Variants in XIRP2 observed in about 807,000 individuals in gnomAD.
XIRP2 encodes xin actin-binding repeat-containing protein 2.
XIRP2 carries 236 observed loss-of-function variants against 277.0 expected under a neutral mutation model. The observed-to-expected ratio is 0.85, with a 90% CI of 0.77 to 0.95. The LOEUF (loss-of-function observed/expected upper bound fraction) is 0.95. Ranked by LOEUF, XIRP2 falls within the 40% of genes least tolerant of loss-of-function variation. The pLI, the probability that XIRP2 is intolerant of heterozygous loss-of-function variation, is 0.00. For synonymous variants in XIRP2, 1,490 were observed against 1,416.5 expected, an observed-to-expected ratio of 1.05 and a Z score of -1.17; for missense variants, 4,640 against 4,157.5, an observed-to-expected ratio of 1.12 and a Z score of -3.19.
At chr2:167,091,595 T>C (rs1013808064) in intron 2 of XIRP2, among the ~76,000 whole-genome samples, 4 of 152,088 alleles carry the variant, frequency 2.6e-5, no homozygotes, top group African/African-American at 4.8e-5. Context: ...TTCTTGAATA[T>C]GTTGAATCAT....
intron 10 of XIRP2, 72 bp from the exon 11 acceptor site, chr2:167,257,785 A>T (rs1695701858): frequency 6.9e-7 from 1 of 1,458,684 alleles, no homozygotes; most frequent in African/African-American, 1.4e-5. Context: ...ACTCATTGAA[A>T]TAATTAATCC....
At chr2:167,237,851 A>G (rs1694948528) in intron 5 of XIRP2, among the ~76,000 whole-genome samples, 1 of 152,206 alleles carries the variant, frequency 6.6e-6, no homozygotes, top group African/African-American at 2.4e-5. Flanking sequence ...TATATGCCTA[A>G]TAGATGGAAA....
Position 167,243,340 on chromosome 2 carries a change from G to T in XIRP2, c.1948G>T (p.Asp650Tyr), listed in dbSNP as rs1695134187. 1 of 1,614,138 alleles carries T rather than the reference G, an allele frequency of 6.2e-7. No individual in the cohort carries two copies. Residue 650 changes from aspartate (D) to tyrosine (Y), a missense_variant, in exon 9 of 11, where the codon GAT (aspartate) becomes TAT (tyrosine). Physicochemically the swap from Asp to Tyr is radical, Grantham distance 160 (BLOSUM62 -3). Coordinates refer to ENST00000409195, the MANE Select transcript of XIRP2 (RefSeq NM_152381.6). ...AEKIPELARG[D>Y]VCTARWMFET... Reference sequence around the variant, plus strand: ...GAAAATTCCTGAGCTAGCCAGAGGAGATGTCTGCACAGCTCGGTGGATGTT... The same window carrying T: ...GAAAATTCCTGAGCTAGCCAGAGGATATGTCTGCACAGCTCGGTGGATGTT...
intron 2 of XIRP2, among the ~76,000 whole-genome samples, chr2:167,060,435 A>T (rs1412386934): frequency 2.6e-5 from 4 of 152,196 alleles, no homozygotes; most frequent in Non-Finnish European, 5.9e-5. Context: ...AGCCTAAAAA[A>T]AGGGAAAGTA....
At chr2:166,941,156 C>T (rs547830557) in intron 2 of XIRP2, among the ~76,000 whole-genome samples, 1 of 152,294 alleles carries the variant, frequency 6.6e-6, no homozygotes, top group African/African-American at 2.4e-5. Context: ...GGGCACCCCT[C>T]CCCCAGCCTC....
chr2:166,975,054 C>T lies in XIRP2; in HGVS notation c.408+71164C>T, dbSNP rs188054626. Among the ~76,000 whole-genome samples, 546 of 152,046 alleles carry T rather than the reference C, an allele frequency of 3.6e-3. 1 individual carries two copies. Among genetic ancestry groups the T allele is most frequent in the Non-Finnish European group, 5.2e-3 (352 of 67,924 alleles). ...CAGACATCAAAAGTATAATTTCATC[C>T]TGATCAAAAATTTTGTATTGATCAA... On this transcript the variant is annotated intron_variant, in intron 2 of 10. Coordinates refer to ENST00000409195, the MANE Select transcript of XIRP2 (RefSeq NM_152381.6).
chr2:166,898,960 C>T (rs1182205700), intron 1 of XIRP2, among the ~76,000 whole-genome samples: 1 of 152,150 alleles, frequency 6.6e-6, no homozygotes, highest in Non-Finnish European at 1.5e-5. Context: ...ATCCACCCCA[C>T]AATCTCTGTC....
At chr2:166,936,865 C>T (rs1439235595) in intron 2 of XIRP2, among the ~76,000 whole-genome samples, 1 of 152,150 alleles carries the variant, frequency 6.6e-6, no homozygotes, top group African/African-American at 2.4e-5. Flanking sequence ...CAGCCTTGTT[C>T]TTTTGGCTTA....
chr2:167,084,127 T>G (rs1254071213), intron 2 of XIRP2, among the ~76,000 whole-genome samples: 1 of 152,202 alleles, frequency 6.6e-6, no homozygotes, highest in African/African-American at 2.4e-5. Context: ...CAATACCTAA[T>G]TTATTGAGAG....
chr2:167,157,291 A>C (rs1045019562), intron 3 of XIRP2, among the ~76,000 whole-genome samples: 1 of 123,572 alleles, frequency 8.1e-6, no homozygotes, highest in Non-Finnish European at 1.8e-5. Flanking sequence ...TCAAGCATTC[A>C]TTTATTTATT....
chr2:166,939,572 C>A (rs1240782409), intron 2 of XIRP2, among the ~76,000 whole-genome samples: 1 of 148,046 alleles, frequency 6.8e-6, no homozygotes, highest in East Asian at 2.0e-4. Flanking sequence ...CCCAGCTACT[C>A]GGGAGGCTGG....
intron 3 of XIRP2, among the ~76,000 whole-genome samples, chr2:167,170,163 AT>A (rs1573930820): frequency 6.6e-6 from 1 of 152,022 alleles, no homozygotes; most frequent in Non-Finnish European, 1.5e-5. Context: ...ACTTTTAAAA[AT>A]TTTTTTAAAT....
At chr2:167,041,975 G>A (rs1688669827) in intron 2 of XIRP2, among the ~76,000 whole-genome samples, 1 of 152,126 alleles carries the variant, frequency 6.6e-6, no homozygotes, top group African/African-American at 2.4e-5. Context: ...AACCCTATCA[G>A]GCTAACAGTG....
At chr2:167,208,463 A>G (rs912082895) in intron 3 of XIRP2, among the ~76,000 whole-genome samples, 2 of 152,122 alleles carry the variant, frequency 1.3e-5, no homozygotes, top group Non-Finnish European at 2.9e-5. Context: ...GCCCGCCACC[A>G]TGCCTGGCTA....
At chr2:167,080,723 A>G (rs1048785769) in intron 2 of XIRP2, among the ~76,000 whole-genome samples, 3 of 152,218 alleles carry the variant, frequency 2.0e-5, no homozygotes, top group African/African-American at 7.2e-5. Context: ...TACTAGAATA[A>G]AATATCTTTC....
chr2:167,064,276 T>A (rs1689244814), intron 2 of XIRP2, among the ~76,000 whole-genome samples: 1 of 151,900 alleles, frequency 6.6e-6, no homozygotes, highest in Admixed American at 6.6e-5. Context: ...CCTCTTTGTT[T>A]AATTGTATAG....
chr2:167,224,622 A>T (rs761007884), intron 5 of XIRP2, among the ~76,000 whole-genome samples: 7 of 152,198 alleles, frequency 4.6e-5, no homozygotes, highest in Admixed American at 2.6e-4. Flanking sequence ...CTTCTAAAAT[A>T]ATAACAGGTC....
chr2:166,910,567 C>T (rs1684673002), intron 2 of XIRP2, among the ~76,000 whole-genome samples: 1 of 152,140 alleles, frequency 6.6e-6, no homozygotes, highest in African/African-American at 2.4e-5. Context: ...AAACCAGCTC[C>T]TGGATTCGTT....
At chr2:167,122,129 C>T (rs1691073101) in intron 2 of XIRP2, among the ~76,000 whole-genome samples, 1 of 152,146 alleles carries the variant, frequency 6.6e-6, no homozygotes, top group South Asian at 2.1e-4. Context: ...AATTAGGTAA[C>T]ATGCCCACAA....
Sources: gnomAD v4.1 joint callset for allele counts (sites outside exome capture counted in the v4.1 genomes callset) on GRCh38, gnomAD v4.1.1 for gene constraint, MANE v1.5 for transcripts, NCBI Gene and HGNC (gene_info 2026-07-23, HGNC 2026-07-21) for gene names.